The following PLCE1 variants were observed in gnomAD, a reference collection of about 807,000 sequenced individuals.
The protein encoded by PLCE1 is phospholipase C epsilon 1, also known as 1-phosphatidylinositol 4,5-bisphosphate phosphodiesterase epsilon-1.
A neutral mutation model predicts 242.8 loss-of-function variants in PLCE1; 119 were observed. The ratio of observed to expected loss-of-function variants is 0.49; its 90% CI spans 0.42 to 0.57. The LOEUF (loss-of-function observed/expected upper bound fraction) is 0.57. Among genes scored for constraint, PLCE1 ranks in the 20% least tolerant of loss-of-function variants. PLCE1 has a pLI of 0.00. For missense variants in PLCE1, 2,441 were observed against 2,788.8 expected, an observed-to-expected ratio of 0.88 and a Z score of 2.81; for synonymous variants, 945 against 1,017.4, an observed-to-expected ratio of 0.93 and a Z score of 1.35.
At chr10:94,211,840 G>A (rs1268622138) in intron 4 of PLCE1, among the ~76,000 whole-genome samples, 3 of 152,136 alleles carry the variant, frequency 2.0e-5, no homozygotes, top group Non-Finnish European at 2.9e-5. Context: ...CCAGGTGCAG[G>A]TAGAGGACCT....
At chr10:94,044,744 C>T (rs2061844099) in intron 2 of PLCE1, among the ~76,000 whole-genome samples, 1 of 152,184 alleles carries the variant, frequency 6.6e-6, no homozygotes, top group South Asian at 2.1e-4. Context: ...CCTGCCCAGC[C>T]CCACATGGTC....
intron 7 of PLCE1, among the ~76,000 whole-genome samples, chr10:94,244,087 C>G (rs2050597581): frequency 6.6e-6 from 1 of 152,148 alleles, no homozygotes; most frequent in Non-Finnish European, 1.5e-5. Context: ...ATTTGTGAGA[C>G]ACTAAAATTC....
chr10:94,022,928 C>G (rs903300763), intron 1 of PLCE1, among the ~76,000 whole-genome samples: 9 of 152,124 alleles, frequency 5.9e-5, no homozygotes, highest in African/African-American at 2.2e-4. Flanking sequence ...TGTCTTGGTA[C>G]TATGCTGGAA....
chr10:94,092,861 C>T (rs761875074), intron 2 of PLCE1, among the ~76,000 whole-genome samples: 1 of 152,198 alleles, frequency 6.6e-6, no homozygotes, highest in African/African-American at 2.4e-5. Context: ...AAAGATCCAG[C>T]AGAACCTTTG....
intron 5 of PLCE1, among the ~76,000 whole-genome samples, chr10:94,231,006 A>G (rs1382924233): frequency 6.6e-6 from 1 of 152,218 alleles, no homozygotes; most frequent in Non-Finnish European, 1.5e-5. Flanking sequence ...AGCAATATTT[A>G]TATGCCCATA....
Position 94,259,025 on chromosome 10 carries a change from G to T in PLCE1, c.3689G>T (p.Arg1230Leu), listed in dbSNP as rs2051200242. The T allele has an allele frequency of 2.5e-6, 4 of 1,613,882 alleles. No individual in the cohort carries two copies. Among genetic ancestry groups the T allele is most frequent in the African/African-American group, 1.3e-5 (1 of 74,882 alleles). The stretch of plus-strand genomic sequence containing the variant: ...CATTCCTCATTCAGTGTCAGGAGCC[G>T]CAAGGACCTGAAGGATCTGTTTGAT... ...ELFKSFSVRSRKDLKDLFDVY... is the reference protein window; with the variant it reads ...ELFKSFSVRSLKDLKDLFDVY... The change falls in exon 13 of 33, where the codon CGC becomes CTC. Residue 1230 changes from arginine (R) to leucine (L), a missense_variant. Transcript: ENST00000371380.
At chr10:94,174,809 C>T (rs961707530) in intron 4 of PLCE1, among the ~76,000 whole-genome samples, 4 of 152,020 alleles carry the variant, frequency 2.6e-5, no homozygotes, top group African/African-American at 4.8e-5. Flanking sequence ...GGAGACATGA[C>T]GACTAAATGC....
At chr10:94,263,513 C>CAAA (rs780289280) in intron 14 of PLCE1, among the ~76,000 whole-genome samples, 8 of 76,854 alleles carry the variant, frequency 1.0e-4, no homozygotes, top group African/African-American at 1.9e-4. Context: ...GACCCCATCT[C>CAAA]AAAAAAAAAA....
intron 2 of PLCE1, among the ~76,000 whole-genome samples, chr10:94,091,935 C>T (rs2045090002): frequency 6.6e-6 from 1 of 152,024 alleles, no homozygotes. Flanking sequence ...CTGGAATGAA[C>T]TAGGACAAAT....
At chr10:94,032,877 A>G (rs185460015) in intron 2 of PLCE1, among the ~76,000 whole-genome samples, 451 of 152,234 alleles carry the variant, frequency 3.0e-3, no homozygotes, top group African/African-American at 0.01. Flanking sequence ...ATATCTAGTT[A>G]TGTGATAACT....
intron 22 of PLCE1, among the ~76,000 whole-genome samples, chr10:94,286,664 C>T (rs999719870): frequency 2.4e-4 from 36 of 152,094 alleles, no homozygotes; most frequent in African/African-American, 7.7e-4. Context: ...TGTCTGCTAG[C>T]AAATCCTGTT....
intron 4 of PLCE1, among the ~76,000 whole-genome samples, chr10:94,201,894 A>T (rs1445758621): frequency 1.3e-5 from 2 of 152,182 alleles, no homozygotes; most frequent in African/African-American, 4.8e-5. Flanking sequence ...AGATGACCAT[A>T]TTTTGGGGGC....
intron 7 of PLCE1, among the ~76,000 whole-genome samples, chr10:94,237,958 A>G (rs1010173788): frequency 6.6e-6 from 1 of 152,180 alleles, no homozygotes; most frequent in Non-Finnish European, 1.5e-5. Context: ...CTTGGCAACA[A>G]CCAGCCCTGT....
intron 24 of PLCE1, 22 bp from the exon 25 acceptor site, chr10:94,304,460 T>G: frequency 1.2e-6 from 2 of 1,611,172 alleles, no homozygotes; most frequent in Non-Finnish European, 1.7e-6. Flanking sequence ...TATATTGGCT[T>G]TCTTTGTTGT....
intron 32 of PLCE1, 85 bp from the exon 33 acceptor site, chr10:94,327,883 A>G (rs992754564): frequency 2.8e-5 from 12 of 430,416 alleles, no homozygotes; most frequent in East Asian, 6.2e-5. Flanking sequence ...CTGTGGCTGG[A>G]AAACTCTGAA....
intron 4 of PLCE1, among the ~76,000 whole-genome samples, chr10:94,186,464 A>G (rs2048482306): frequency 6.6e-6 from 1 of 152,230 alleles, no homozygotes; most frequent in Admixed American, 6.5e-5. Flanking sequence ...GGCCTATCAA[A>G]ATAATTTTGA....
chr10:94,189,120 T>C (rs2048581849), intron 4 of PLCE1, among the ~76,000 whole-genome samples: 1 of 151,068 alleles, frequency 6.6e-6, no homozygotes, highest in African/African-American at 2.4e-5. Context: ...GCTGAAGAAG[T>C]CCAGTCATAA....
intron 2 of PLCE1, among the ~76,000 whole-genome samples, chr10:94,115,554 A>C (rs2046097619): frequency 6.6e-6 from 1 of 152,214 alleles, no homozygotes; most frequent in Non-Finnish European, 1.5e-5. Flanking sequence ...TGTTGGCTGC[A>C]TAAATGTCTT....
intron 1 of PLCE1, among the ~76,000 whole-genome samples, chr10:94,025,117 G>T (rs755627574): frequency 9.9e-5 from 15 of 151,956 alleles, no homozygotes; most frequent in Non-Finnish European, 1.8e-4. Flanking sequence ...ATCTAAGATG[G>T]CTGCTCCAGC....
Sources: gnomAD v4.1 joint callset for allele counts (sites outside exome capture counted in the v4.1 genomes callset) on GRCh38, gnomAD v4.1.1 for gene constraint, MANE v1.5 for transcripts, NCBI Gene and HGNC (gene_info 2026-07-23, HGNC 2026-07-21) for gene names.